The following TGFBR2 variants were observed in gnomAD, a reference collection of about 807,000 sequenced individuals.
TGFBR2 encodes the protein transforming growth factor beta receptor 2.
A neutral mutation model predicts 49.0 loss-of-function variants in TGFBR2; 18 were observed. The observed-to-expected ratio is 0.37, with a 90% confidence interval of 0.25 to 0.54. The LOEUF (loss-of-function observed/expected upper bound fraction) is 0.54, where lower values mean the gene tolerates loss of function less well. Ranked by LOEUF, TGFBR2 falls within the 20% of genes least tolerant of loss-of-function variation. The pLI is 0.85. For synonymous variants in TGFBR2, 282 were observed against 275.9 expected (o/e 1.02, Z -0.22); for missense variants, 525 against 722.6 (o/e 0.73, Z 3.13).
intron 1 of TGFBR2, among the ~76,000 whole-genome samples, chr3:30,620,601 T>C (rs1330067209): frequency 6.6e-6 from 1 of 152,182 alleles, no homozygotes; most frequent in African/African-American, 2.4e-5. Flanking sequence ...TAATTTTCCA[T>C]CCATCACTGG....
intron 2 of TGFBR2, among the ~76,000 whole-genome samples, chr3:30,649,846 C>G (rs6790424): frequency 0.91 from 138,352 of 152,260 alleles, 63,047 homozygotes; most frequent in East Asian, 1. Flanking sequence ...GATTTTGCCA[C>G]TTAAACTAGG....
At chr3:30,607,815 A>ATATATATATAAATATATATATAAT (rs1267214389) in intron 1 of TGFBR2, among the ~76,000 whole-genome samples, 24 of 136,174 alleles carry the variant, frequency 1.8e-4, no homozygotes, top group East Asian at 5.9e-4. Context: ...TATATATATT[A>ATATATATATAAATATATATATAAT]TATATATATA....
chr3:30,612,014 A>G (rs953708453), intron 1 of TGFBR2, among the ~76,000 whole-genome samples: 2 of 152,150 alleles, frequency 1.3e-5, no homozygotes, highest in Non-Finnish European at 2.9e-5. Flanking sequence ...TGCACTCTCT[A>G]CTTTCCTGGT....
In TGFBR2 at chr3:30,688,446, A is replaced by G. The variant is rs767120937; in HGVS notation, c.1459A>G (p.Met487Val). 1.2e-6 allele frequency: 2 copies of G among 1,614,224 alleles called. No individual in the cohort carries two copies. The highest frequency in any genetic ancestry group is 1.7e-5 in the Admixed American group (1 of 60,034). ...KVREHPCVES[M>V]KDNVLRDRGR... ...GCGGGAGCACCCCTGTGTCGAAAGC[A>G]TGAAGGACAACGTGTTGAGAGATCG... The change falls in exon 6 of 7, where the codon ATG becomes GTG. Residue 487 changes from methionine (M) to valine (V), a missense_variant. Met to Val is a conservative substitution (Grantham distance 21, BLOSUM62 1). This residue lies in a region of TGFBR2 where 104 missense variants were observed against 133.4 expected (regional missense o/e 0.78). Coordinates refer to ENST00000295754, the MANE Select transcript of TGFBR2 (RefSeq NM_003242.6).
At chr3:30,662,955 A>G (rs1350782) in intron 3 of TGFBR2, among the ~76,000 whole-genome samples, 68,957 of 151,676 alleles carry the variant, frequency 0.45, 16,167 homozygotes, top group Non-Finnish European at 0.52. Context: ...TTTTAAATGT[A>G]GATTCTGATT....
At chr3:30,658,981 C>T (rs1699059337) in intron 3 of TGFBR2, among the ~76,000 whole-genome samples, 1 of 152,166 alleles carries the variant, frequency 6.6e-6, no homozygotes, top group Admixed American at 6.5e-5. Context: ...AGAAATGCTG[C>T]CCTCTTTCTC....
At chr3:30,627,295 C>T (rs1422819336) in intron 1 of TGFBR2, among the ~76,000 whole-genome samples, 1 of 152,126 alleles carries the variant, frequency 6.6e-6, no homozygotes, top group African/African-American at 2.4e-5. Flanking sequence ...ATTTTCCTGA[C>T]AAGTCCCCAC....
intron 3 of TGFBR2, among the ~76,000 whole-genome samples, chr3:30,662,764 G>A (rs1171654553): frequency 6.6e-6 from 1 of 152,130 alleles, no homozygotes; most frequent in South Asian, 2.1e-4. Context: ...TTTCTCATTG[G>A]CTAGTGCTGA....
At chr3:30,617,327 G>A (rs1575130901) in intron 1 of TGFBR2, among the ~76,000 whole-genome samples, 1 of 152,034 alleles carries the variant, frequency 6.6e-6, no homozygotes, top group Admixed American at 6.6e-5. Flanking sequence ...TGACTACCTT[G>A]TTACTACATA....
chr3:30,653,709 A>G (rs986892854), intron 3 of TGFBR2, among the ~76,000 whole-genome samples: 1 of 152,232 alleles, frequency 6.6e-6, no homozygotes, highest in South Asian at 2.1e-4. Context: ...AATTATGTAC[A>G]TCTACCTTTT....
At chr3:30,625,663 A>G (rs962004000) in intron 1 of TGFBR2, among the ~76,000 whole-genome samples, 6 of 152,214 alleles carry the variant, frequency 3.9e-5, no homozygotes, top group African/African-American at 1.4e-4. Context: ...TGGCAACTAA[A>G]TGCCCTGCAG....
chr3:30,691,042 A>C (rs7630948), intron 6 of TGFBR2, among the ~76,000 whole-genome samples: 17,367 of 152,098 alleles, frequency 0.11, 1,213 homozygotes, highest in East Asian at 0.35. Flanking sequence ...TGAAGCGAGA[A>C]CTTCTCTAAA....
intron 3 of TGFBR2, among the ~76,000 whole-genome samples, chr3:30,662,983 C>T (rs1375598804): frequency 2.6e-5 from 4 of 152,182 alleles, no homozygotes; most frequent in Non-Finnish European, 5.9e-5. Flanking sequence ...TTGAGGACAG[C>T]GCTAAGACTC....
intron 1 of TGFBR2, among the ~76,000 whole-genome samples, chr3:30,631,621 C>CTTTTTTTTT (rs71093918): frequency 1.7e-5 from 2 of 115,382 alleles, no homozygotes; most frequent in Admixed American, 8.9e-5. Flanking sequence ...CAACTTCTTT[C>CTTTTTTTTT]TTTTTTTTTT....
In TGFBR2 at chr3:30,620,332, T is replaced by A. The variant is rs376514603; in HGVS notation, c.94+13355T>A. ...TTTGTTGCTGTTTGGAATTCATTGC[T>A]TTTAAAGGCCGAGGAAACTTGCTTT... On this transcript the variant is annotated intron_variant, in intron 1 of 6. Transcript: ENST00000295754. Among the ~76,000 whole-genome samples, 5 of 152,244 alleles carry A rather than the reference T, an allele frequency of 3.3e-5. No homozygotes were observed. In the East Asian group the frequency reaches 5.8e-4, roughly 18 times the overall value.
At chr3:30,640,248 T>C (rs1476665599) in intron 1 of TGFBR2, among the ~76,000 whole-genome samples, 2 of 152,240 alleles carry the variant, frequency 1.3e-5, no homozygotes, top group African/African-American at 4.8e-5. Context: ...CTTCCTTTAG[T>C]GGATGGCTTT....
chr3:30,641,439 T>C (rs1698642906), intron 1 of TGFBR2, among the ~76,000 whole-genome samples: 1 of 152,128 alleles, frequency 6.6e-6, no homozygotes, highest in Non-Finnish European at 1.5e-5. Context: ...CTACCTGGAA[T>C]TGTTAAGGTG....
chr3:30,644,289 A>T (rs892703093), intron 1 of TGFBR2, among the ~76,000 whole-genome samples: 33 of 152,112 alleles, frequency 2.2e-4, no homozygotes, highest in African/African-American at 6.8e-4. Flanking sequence ...CTGAGCGGTG[A>T]TGCTCGCCTG....
chr3:30,646,375 G>A (rs1016494014), intron 2 of TGFBR2, among the ~76,000 whole-genome samples: 12 of 152,248 alleles, frequency 7.9e-5, no homozygotes, highest in Non-Finnish European at 1.3e-4. Context: ...TCAGAGGAGA[G>A]GGACCAGTGT....
Sources: gnomAD v4.1 joint callset for allele counts (sites outside exome capture counted in the v4.1 genomes callset) on GRCh38, gnomAD v4.1.1 for gene constraint, gnomAD v4.1.1 regional missense constraint, MANE v1.5 for transcripts, NCBI Gene and HGNC (gene_info 2026-07-23, HGNC 2026-07-21) for gene names.